The following URGCP variants were observed in gnomAD, a reference collection of about 807,000 sequenced individuals.
URGCP encodes up-regulator of cell proliferation.
In URGCP, 13 loss-of-function variants were observed where a neutral mutation model predicts 24.6. That is an observed-to-expected ratio of 0.53 (90% CI 0.34 to 0.84). The LOEUF is 0.84. Ranked by LOEUF, URGCP falls within the 40% of genes least tolerant of loss-of-function variation. The probability of loss-of-function intolerance (pLI) is 0.01; values close to 1 mark genes in which losing one functional copy is unlikely to be tolerated. For missense variants in URGCP, 899 were observed against 1,194.3 expected, an observed-to-expected ratio of 0.75 and a Z score of 3.64; for synonymous variants, 444 against 487.2, an observed-to-expected ratio of 0.91 and a Z score of 1.17.
intron 3 of URGCP, among the ~76,000 whole-genome samples, chr7:43,884,887 C>T (rs1246936589): frequency 1.3e-5 from 2 of 152,004 alleles, no homozygotes; most frequent in Non-Finnish European, 2.9e-5. Flanking sequence ...TAAATTATAT[C>T]GTGTGACTAC....
At chr7:43,899,681 C>A (rs2095886122) in intron 1 of URGCP, among the ~76,000 whole-genome samples, 1 of 152,148 alleles carries the variant, frequency 6.6e-6, no homozygotes, top group African/African-American at 2.4e-5. Context: ...AAAATTTCAT[C>A]ACTGATCTAG....
At chr7:43,881,311 C>T (rs1388997742) in intron 5 of URGCP, 3 of 686,058 alleles carry the variant, frequency 4.4e-6, no homozygotes, top group Non-Finnish European at 5.3e-6. Context: ...TAAATCGTTT[C>T]CAAACCGGGC....
At chr7:43,891,065 G>A (rs2095869914) in intron 1 of URGCP, among the ~76,000 whole-genome samples, 1 of 152,164 alleles carries the variant, frequency 6.6e-6, no homozygotes, top group Admixed American at 6.5e-5. Context: ...GCAGACCTGG[G>A]TGTTCAGCAC....
At chr7:43,924,135 G>A (rs1054687152) in intron 1 of URGCP, among the ~76,000 whole-genome samples, 9 of 152,252 alleles carry the variant, frequency 5.9e-5, no homozygotes, top group African/African-American at 2.2e-4. Context: ...CTCCCAAAGT[G>A]CTGCGATTAC....
intron 1 of URGCP, chr7:43,888,055 G>A (rs777964118): frequency 1.3e-4 from 62 of 485,250 alleles, no homozygotes; most frequent in Non-Finnish European, 1.8e-4. Flanking sequence ...AGTATGCACA[G>A]TATGATTACA....
chr7:43,911,152 G>A (rs561732943), upstream of URGCP, among the ~76,000 whole-genome samples: 2 of 152,192 alleles, frequency 1.3e-5, no homozygotes, highest in Non-Finnish European at 2.9e-5. Flanking sequence ...TGTAATCCCA[G>A]CACTTTGTGA....
At chr7:43,882,523 A>C (rs1202668140) in intron 3 of URGCP, among the ~76,000 whole-genome samples, 1 of 152,018 alleles carries the variant, frequency 6.6e-6, no homozygotes, top group African/African-American at 2.4e-5. Flanking sequence ...CAGGAGGATT[A>C]CTTGAGCCTG....
At chr7:43,911,854 T>C (rs1427323862) in intron 1 of URGCP, among the ~76,000 whole-genome samples, 2 of 152,050 alleles carry the variant, frequency 1.3e-5, no homozygotes, top group Non-Finnish European at 2.9e-5. Context: ...TAAAATCATA[T>C]AAAGTATCTT....
At chr7:43,887,963 T>C (rs1285066963) in intron 1 of URGCP, 147 bp from the exon 2 acceptor site, 2 of 601,432 alleles carry the variant, frequency 3.3e-6, no homozygotes, top group Non-Finnish European at 5.9e-6. Context: ...TATGGATTTC[T>C]TTTGTGGACA....
chr7:43,889,164 T>C (rs1303045408), intron 1 of URGCP: 1 of 151,966 alleles, frequency 6.6e-6, no homozygotes. Flanking sequence ...ACATGAAATG[T>C]GGAGGGGGAT....
At chr7:43,911,328 G>C (rs936945475), upstream of URGCP, among the ~76,000 whole-genome samples, 9 of 152,114 alleles carry the variant, frequency 5.9e-5, no homozygotes, top group East Asian at 5.8e-4. Context: ...GTGAACCCAG[G>C]AGGTGGAGGT....
intron 1 of URGCP, chr7:43,920,116 C>A (rs1446792905): frequency 3.4e-6 from 3 of 883,028 alleles, no homozygotes; most frequent in African/African-American, 3.3e-5. Flanking sequence ...CCCTGCCTGA[C>A]TGACCACTCA....
chr7:43,891,703 G>T (rs756913115), intron 1 of URGCP, among the ~76,000 whole-genome samples: 1 of 152,068 alleles, frequency 6.6e-6, no homozygotes, highest in Non-Finnish European at 1.5e-5. Flanking sequence ...TTCTTGCAAC[G>T]CAATTTCATA....
At chr7:43,926,117 G>A (rs867028142) in intron 1 of URGCP, 14 of 153,576 alleles carry the variant, frequency 9.1e-5, no homozygotes, top group East Asian at 3.8e-4. Context: ...GGCGTACGAG[G>A]GTATATATAC....
intron 1 of URGCP, among the ~76,000 whole-genome samples, chr7:43,899,482 C>T (rs1332851716): frequency 6.6e-6 from 1 of 151,518 alleles, no homozygotes; most frequent in Non-Finnish European, 1.5e-5. Context: ...AGGTTCAAAA[C>T]CAGTTGATTC....
At chr7:43,892,491 T>C (rs766385867) in intron 1 of URGCP, among the ~76,000 whole-genome samples, 16 of 152,096 alleles carry the variant, frequency 1.1e-4, no homozygotes, top group Non-Finnish European at 2.2e-4. Flanking sequence ...ATACAGTGTA[T>C]GTGTGGCTTG....
intron 3 of URGCP, among the ~76,000 whole-genome samples, chr7:43,883,038 T>C (rs1013163473): frequency 2.0e-5 from 3 of 151,132 alleles, no homozygotes; most frequent in African/African-American, 4.9e-5. Flanking sequence ...TGGGGAAGAG[T>C]TGTGACTTAC....
chr7:43,896,319 G>T (rs2095878310), intron 1 of URGCP, among the ~76,000 whole-genome samples: 1 of 152,076 alleles, frequency 6.6e-6, no homozygotes, highest in Non-Finnish European at 1.5e-5. Flanking sequence ...AGCTGGGCGT[G>T]GTGGCACACG....
chr7:43,877,026 G>A lies in URGCP; in HGVS notation c.2437C>T (p.Pro813Ser). Residue 813 changes from proline to serine, a missense_variant, in exon 6 of 6, where the codon CCC becomes TCC. Coordinates refer to ENST00000453200, the MANE Select transcript of URGCP (RefSeq NM_001077663.3). The part of the protein sequence containing the change: ...FLRLEKTGHM[P>S]NYQFVYQNLH... Reference sequence around the variant, plus strand: ...TTCTGGTATACAAACTGGTAGTTGGGCATGTGCCCCGTTTTTTCTAACCTC... The same window carrying A: ...TTCTGGTATACAAACTGGTAGTTGGACATGTGCCCCGTTTTTTCTAACCTC... 1 of 1,614,246 alleles carries A rather than the reference G, an allele frequency of 6.2e-7. No individual in the cohort carries two copies. The highest frequency in any genetic ancestry group is 8.5e-7 in the Non-Finnish European group (1 of 1,180,056).
Sources: allele counts gnomAD v4.1 joint callset (sites outside exome capture counted in the v4.1 genomes callset), GRCh38; gene constraint gnomAD v4.1.1; transcripts MANE v1.5; gene names NCBI Gene and HGNC (gene_info 2026-07-23, HGNC 2026-07-21).